The following ZNF695 variants were observed in gnomAD, a reference collection of about 807,000 sequenced individuals.
ZNF695 encodes the protein zinc finger protein 695.
Under a neutral mutation model 11.2 loss-of-function variants are expected in ZNF695, and 11 were observed. The ratio of observed to expected loss-of-function variants is 0.98; its 90% CI spans 0.62 to 1.62. ZNF695 has a LOEUF of 1.62. Among genes scored for constraint, ZNF695 ranks in the 40% most tolerant of loss-of-function variants. The pLI is 0.00. For missense variants in ZNF695, 559 were observed against 590.5 expected (o/e 0.95, Z 0.55); for synonymous variants, 190 against 201.4 (o/e 0.94, Z 0.48).
chr1:247,003,406 C>T (rs1466570467), intron 1 of ZNF695, among the ~76,000 whole-genome samples: 2 of 152,106 alleles, frequency 1.3e-5, no homozygotes, highest in Non-Finnish European at 2.9e-5. Context: ...ATTGAGTAAA[C>T]ATGGACACAA....
At chr1:246,997,120 TG>T (rs1240957094) in intron 3 of ZNF695, among the ~76,000 whole-genome samples, 1 of 34,470 alleles carries the variant, frequency 2.9e-5, no homozygotes, top group African/African-American at 1.1e-4. Flanking sequence ...CCCACCATTT[TG>T]AGAGGCCGAG....
chr1:247,007,767 C>T, intron 1 of ZNF695, 139 bp downstream of exon 1: 2 of 988,834 alleles, frequency 2.0e-6, no homozygotes, highest in Middle Eastern at 2.5e-4. Flanking sequence ...GAGGGCCGAG[C>T]TGCGCCAGCG....
chr1:246,959,305 AAAAAAATATATATATATATATATATATAT>A (rs1668095603), intron 5 of ZNF695, among the ~76,000 whole-genome samples: 1 of 69,620 alleles, frequency 1.4e-5, no homozygotes, highest in Non-Finnish European at 2.6e-5. Context: ...AAAAAAAAAA[AAAAAAATATATATATATATATATATATAT>A]ATATATATAT....
chr1:246,976,262 G>T (rs1239611161), intron 4 of ZNF695, among the ~76,000 whole-genome samples: 1 of 152,164 alleles, frequency 6.6e-6, no homozygotes, highest in African/African-American at 2.4e-5. Flanking sequence ...CAGAACACAA[G>T]GTTACAGAAG....
At chr1:246,951,686 A>G (rs905580506) in intron 5 of ZNF695, among the ~76,000 whole-genome samples, 1 of 152,192 alleles carries the variant, frequency 6.6e-6, no homozygotes, top group African/African-American at 2.4e-5. Context: ...CTTAGCTACA[A>G]CGATCCAAAT....
chr1:246,947,551 C>A (rs1432850265), intron 5 of ZNF695, among the ~76,000 whole-genome samples: 9 of 152,200 alleles, frequency 5.9e-5, no homozygotes, highest in Admixed American at 5.2e-4. Context: ...GGGCAGAGTA[C>A]AACAGATTTG....
At chr1:246,947,315 C>G (rs1366632995) in intron 5 of ZNF695, among the ~76,000 whole-genome samples, 1 of 151,668 alleles carries the variant, frequency 6.6e-6, no homozygotes, top group Non-Finnish European at 1.5e-5. Context: ...CCTCACACTC[C>G]TGGGCTCAAA....
chr1:246,996,225 G>A (rs779457813), intron 3 of ZNF695: 215 of 319,744 alleles, frequency 6.7e-4, no homozygotes, highest in Admixed American at 1.0e-3. Context: ...GCGTGGTGGT[G>A]CATGCCTGTA....
chr1:246,986,337 C>T lies in ZNF695; in HGVS notation c.*630G>A, dbSNP rs887506737. 6 of 980,006 alleles carry T rather than the reference C, an allele frequency of 6.1e-6. No homozygotes were observed. Among genetic ancestry groups the T allele is most frequent in the Non-Finnish European group, 6.1e-6 (5 of 825,046 alleles). The allele number at this position is 980,006 out of a possible 1,614,324, so 60.7% of individuals were successfully genotyped here. Reference sequence around the variant, plus strand: ...CCGACCTCGGCATCCAAAAGTGCAGCAACTATAGGAAAGAGCCACCGTGCC... The same window carrying T: ...CCGACCTCGGCATCCAAAAGTGCAGTAACTATAGGAAAGAGCCACCGTGCC... On this transcript the variant is annotated 3_prime_UTR_variant, in exon 4 of 4. Transcript: ENST00000339986.
downstream of ZNF695, among the ~76,000 whole-genome samples, chr1:246,982,684 G>T (rs945332512): frequency 2.0e-5 from 3 of 152,158 alleles, no homozygotes; most frequent in South Asian, 2.1e-4. Flanking sequence ...CATTAAGAGT[G>T]TTGCTTGGCC....
At position 246,986,173 on chromosome 1, in the gene ZNF695, A is replaced by G; in HGVS notation, c.*794T>C. The G allele has an allele frequency of 1.8e-6, 1 of 550,702 alleles. No homozygotes were observed. Among genetic ancestry groups the G allele is most frequent in the Non-Finnish European group, 2.3e-6 (1 of 433,022 alleles). 34.1% of individuals were successfully genotyped at this position (550,702 alleles called of 1,614,324 possible). Reference sequence around the variant, plus strand: ...CATCCTCAACCTCCAGGCTCAAGCAATCCTCCCACCTGAGCCTTCCAAGTA... The same window carrying G: ...CATCCTCAACCTCCAGGCTCAAGCAGTCCTCCCACCTGAGCCTTCCAAGTA... On this transcript the variant is annotated 3_prime_UTR_variant, in exon 4 of 4. Transcript: ENST00000339986.
downstream of ZNF695, among the ~76,000 whole-genome samples, chr1:246,982,046 G>A (rs1454192792): frequency 3.9e-5 from 6 of 151,994 alleles, no homozygotes; most frequent in South Asian, 2.1e-4. Flanking sequence ...CGAGGTGGGC[G>A]GATCACGTGA....
intron 4 of ZNF695, among the ~76,000 whole-genome samples, chr1:246,975,378 G>A (rs1020885157): frequency 2.6e-5 from 4 of 152,260 alleles, no homozygotes; most frequent in Admixed American, 1.3e-4. Flanking sequence ...TATGTGTCAT[G>A]ACCTACATTT....
chr1:246,974,489 A>G (rs1668508723), intron 4 of ZNF695, among the ~76,000 whole-genome samples: 1 of 152,226 alleles, frequency 6.6e-6, no homozygotes, highest in Non-Finnish European at 1.5e-5. Flanking sequence ...GTGGACTACC[A>G]TGTACATATA....
chr1:247,006,186 T>C (rs560699700), intron 1 of ZNF695, among the ~76,000 whole-genome samples: 160 of 146,590 alleles, frequency 1.1e-3, no homozygotes, highest in African/African-American at 3.9e-3. Flanking sequence ...GATTGCACCA[T>C]TGCACTCCAG....
At chr1:246,972,918 A>G (rs2103013462) in intron 4 of ZNF695, among the ~76,000 whole-genome samples, 1 of 122,292 alleles carries the variant, frequency 8.2e-6, no homozygotes. Context: ...ATGTCAACTT[A>G]TATTTTTAAT....
At chr1:246,983,356 A>C (rs1389826525), downstream of ZNF695, among the ~76,000 whole-genome samples, 1 of 152,062 alleles carries the variant, frequency 6.6e-6, no homozygotes, top group African/African-American at 2.4e-5. Flanking sequence ...TCATTTCTAC[A>C]AAACAATAAA....
chr1:246,953,935 A>ACAAACAAG (rs1205094352), intron 5 of ZNF695, among the ~76,000 whole-genome samples: 1 of 150,166 alleles, frequency 6.7e-6, no homozygotes, highest in East Asian at 2.0e-4. Context: ...AAACAAACAA[A>ACAAACAAG]CAAACAAGCA....
rs796204112 is a variant in ZNF695, at chr1:246,955,224, C to G, written c.489-9397G>C. Among the ~76,000 whole-genome samples, 27 of 152,278 alleles carry G rather than the reference C, an allele frequency of 1.8e-4. 1 individual carries two copies. Among genetic ancestry groups the G allele is most frequent in the African/African-American group, 6.5e-4 (27 of 41,558 alleles). On this transcript the variant is annotated intron_variant, in intron 5 of 5. Transcript: ENST00000487338. ...TCTTTTTCTTTAAAAATTACCCAGT[C>G]TTGGGTATTTCTTCATAGCAGTATG...
Sources: allele counts gnomAD v4.1 joint callset (sites outside exome capture counted in the v4.1 genomes callset), GRCh38; gene constraint gnomAD v4.1.1; transcripts MANE v1.5; gene names NCBI Gene and HGNC (gene_info 2026-07-23, HGNC 2026-07-21).